Variants in DNAAF19 observed in about 807,000 individuals in gnomAD.
The protein encoded by DNAAF19 is coiled-coil domain containing 103.
At chr17:44,901,709 C>T in the DNAAF19 span, 1 of 1,573,204 alleles carries the variant, frequency 6.4e-7, no homozygotes, top group Non-Finnish European at 8.6e-7. Context: ...AAGCTTCAAT[C>T]CTGTTTTTTC....
At chr17:44,903,547 G>A in the DNAAF19 span, 2 of 1,351,996 alleles carry the variant, frequency 1.5e-6, no homozygotes, top group East Asian at 5.5e-5. Context: ...ATTCTTGGGT[G>A]AGCGCCAGTG....
the DNAAF19 span, chr17:44,901,516 A>G: frequency 6.2e-7 from 1 of 1,614,038 alleles, no homozygotes; most frequent in Non-Finnish European, 8.5e-7. Context: ...TCCTTTGCCT[A>G]CAGGGGTATT....
At chr17:44,904,896 G>A in the DNAAF19 span, 12 of 1,550,404 alleles carry the variant, frequency 7.7e-6, no homozygotes, top group Admixed American at 1.4e-4. Context: ...GCTGGCTTCC[G>A]GCTGGGTGTG....
At chr17:44,902,324 T>G in the DNAAF19 span, 1 of 1,613,996 alleles carries the variant, frequency 6.2e-7, no homozygotes, top group Non-Finnish European at 8.5e-7. Context: ...GCAGAACAGC[T>G]GGAAGAGCTC....
At chr17:44,903,133 G>T in the DNAAF19 span, 1 of 1,276,872 alleles carries the variant, frequency 7.8e-7, no homozygotes, top group African/African-American at 1.5e-5. Flanking sequence ...CCAAATGCTG[G>T]CTATACCAGT....
At chr17:44,902,366 A>T in the DNAAF19 span, 7 of 1,614,208 alleles carry the variant, frequency 4.3e-6, no homozygotes, top group Non-Finnish European at 5.9e-6. Flanking sequence ...GTGGTCCAGG[A>T]GAAAGCCCCC....
At chr17:44,904,075 T>C in the DNAAF19 span, 2 of 1,550,536 alleles carry the variant, frequency 1.3e-6, no homozygotes, top group East Asian at 4.9e-5. Context: ...TGACGGACTT[T>C]GATGGGCGGG....
chr17:44,902,970 C>G, the DNAAF19 span: 1 of 1,431,932 alleles, frequency 7.0e-7, no homozygotes, highest in Admixed American at 2.9e-5. Context: ...CAAGTCTTCC[C>G]CACTTCTCCA....
At chr17:44,900,459 C>T in the DNAAF19 span, among the ~76,000 whole-genome samples, 1 of 151,960 alleles carries the variant, frequency 6.6e-6, no homozygotes, top group Admixed American at 6.6e-5. Flanking sequence ...GAGCTCCTTC[C>T]TTTGCCCCTT....
chr17:44,905,349 C>CT, the DNAAF19 span: 1 of 455,904 alleles, frequency 2.2e-6, no homozygotes, highest in Non-Finnish European at 4.1e-6. Context: ...AGTGTGAACT[C>CT]AGATTTATCC....
At chr17:44,900,951 T>C in the DNAAF19 span, 8 of 1,546,934 alleles carry the variant, frequency 5.2e-6, no homozygotes, top group African/African-American at 2.8e-5. Flanking sequence ...TCCCCTGATA[T>C]TGACTGTCCA....
the DNAAF19 span, chr17:44,903,522 G>T: frequency 7.8e-7 from 1 of 1,284,596 alleles, no homozygotes; most frequent in Non-Finnish European, 9.8e-7. Context: ...TTCTCATTCC[G>T]GTTTCCTTTG....
At chr17:44,904,838 C>A in the DNAAF19 span, 1 of 1,550,694 alleles carries the variant, frequency 6.4e-7, no homozygotes, top group Non-Finnish European at 8.7e-7. Flanking sequence ...CTTCACCCAG[C>A]TGGATGACCG....
At chr17:44,901,288 A>G in the DNAAF19 span, 4 of 1,057,672 alleles carry the variant, frequency 3.8e-6, no homozygotes, top group Non-Finnish European at 5.4e-6. Context: ...CTGAGTCTCA[A>G]TTATTTATCT....
At chr17:44,904,649 A>G in the DNAAF19 span, 1 of 1,550,564 alleles carries the variant, frequency 6.4e-7, no homozygotes, top group Non-Finnish European at 8.7e-7. Flanking sequence ...CCAGGTGCCC[A>G]TTCAGTTCCA....
At chr17:44,902,272 C>G in the DNAAF19 span, 50 of 1,511,704 alleles carry the variant, frequency 3.3e-5, no homozygotes, top group South Asian at 5.6e-4. Flanking sequence ...GAGATGAAGA[C>G]AGTAAGATGA....
chr17:44,901,423 C>T, the DNAAF19 span: 28 of 1,372,120 alleles, frequency 2.0e-5, no homozygotes, highest in Admixed American at 2.6e-4. Flanking sequence ...CATATTGGTC[C>T]GTAACAGGTT....
the DNAAF19 span, chr17:44,902,180 C>T: frequency 1.3e-6 from 1 of 749,976 alleles, no homozygotes; most frequent in Non-Finnish European, 2.3e-6. Context: ...TTCCTTGGGG[C>T]CCTCCCTGTT....
the DNAAF19 span, chr17:44,904,598 A>C: frequency 2.6e-6 from 4 of 1,550,580 alleles, no homozygotes; most frequent in Non-Finnish European, 3.5e-6. Context: ...GCTGGCCATC[A>C]TTAACTATGT....
Sources: allele counts gnomAD v4.1 joint callset (sites outside exome capture counted in the v4.1 genomes callset), GRCh38; gene constraint gnomAD v4.1.1; transcripts MANE v1.5; gene names NCBI Gene and HGNC (gene_info 2026-07-23, HGNC 2026-07-21).